Variants in FAM78B observed in about 807,000 individuals in gnomAD.
FAM78B encodes family with sequence similarity 78 member B.
In FAM78B, 10 loss-of-function variants were observed where a neutral mutation model predicts 20.0. The ratio of observed to expected loss-of-function variants is 0.50; its 90% CI spans 0.31 to 0.85. The LOEUF is 0.85. Ranked by LOEUF, FAM78B falls within the 40% of genes least tolerant of loss-of-function variation. The pLI, the probability that FAM78B is intolerant of heterozygous loss-of-function variation, is 0.05. For missense variants in FAM78B, 283 were observed against 345.0 expected, an observed-to-expected ratio of 0.82 and a Z score of 1.42; for synonymous variants, 135 against 132.8, an observed-to-expected ratio of 1.02 and a Z score of -0.12.
intron 1 of FAM78B, among the ~76,000 whole-genome samples, chr1:166,163,301 T>G (rs145573438): frequency 2.0e-5 from 3 of 152,342 alleles, no homozygotes. Context: ...GGAAGTGCCA[T>G]GGAAATGAGT....
intron 1 of FAM78B, among the ~76,000 whole-genome samples, chr1:166,090,431 A>G (rs1653022077): frequency 6.6e-6 from 1 of 152,180 alleles, no homozygotes; most frequent in Non-Finnish European, 1.5e-5. Context: ...TGAAAAAAAC[A>G]AAACAGGGGA....
At chr1:166,098,850 T>TG (rs1025066112) in intron 1 of FAM78B, among the ~76,000 whole-genome samples, 1 of 152,192 alleles carries the variant, frequency 6.6e-6, no homozygotes, top group Non-Finnish European at 1.5e-5. Context: ...TCCCTGGTTT[T>TG]GCTAGAGTTA....
intron 1 of FAM78B, among the ~76,000 whole-genome samples, chr1:166,103,975 T>C (rs1293359561): frequency 3.3e-5 from 5 of 152,122 alleles, no homozygotes; most frequent in Non-Finnish European, 7.3e-5. Context: ...GCAAACCGAA[T>C]CCAGCAACAC....
chr1:166,165,263 A>G (rs541319136), intron 1 of FAM78B, among the ~76,000 whole-genome samples: 2 of 152,342 alleles, frequency 1.3e-5, no homozygotes, highest in East Asian at 3.9e-4. Context: ...TTCCTTTAGC[A>G]TAAGAAACAC....
intron 1 of FAM78B, among the ~76,000 whole-genome samples, chr1:166,103,834 T>A (rs1354814462): frequency 6.6e-6 from 1 of 152,176 alleles, no homozygotes; most frequent in African/African-American, 2.4e-5. Flanking sequence ...AAAGAGGGTA[T>A]CCTCCTTAAC....
At chr1:166,071,063 T>C (rs893658684) in intron 1 of FAM78B, among the ~76,000 whole-genome samples, 7 of 152,308 alleles carry the variant, frequency 4.6e-5, no homozygotes, top group African/African-American at 1.4e-4. Context: ...AGTTAGATGA[T>C]GGTAATCAGC....
At chr1:166,123,444 T>C (rs1034888077) in intron 1 of FAM78B, among the ~76,000 whole-genome samples, 6 of 152,252 alleles carry the variant, frequency 3.9e-5, no homozygotes, top group Non-Finnish European at 8.8e-5. Context: ...ATGACAGCCC[T>C]TCACTGGTAT....
intron 2 of FAM78B, chr1:166,060,788 C>T: frequency 2.1e-6 from 1 of 469,138 alleles, no homozygotes; most frequent in South Asian, 2.6e-5. Flanking sequence ...GGGAGATGAC[C>T]CTGAAATTTT....
At chr1:166,056,238 G>T (rs1163889816), downstream of FAM78B, among the ~76,000 whole-genome samples, 1 of 151,908 alleles carries the variant, frequency 6.6e-6, no homozygotes, top group African/African-American at 2.4e-5. Context: ...TCAATATCTG[G>T]GTCTCCTTGC....
intron 1 of FAM78B, among the ~76,000 whole-genome samples, chr1:166,072,389 A>G (rs1243265240): frequency 1.3e-5 from 2 of 152,220 alleles, no homozygotes; most frequent in African/African-American, 4.8e-5. Context: ...GCTGCAGTGT[A>G]TCATGGTTGG....
intron 1 of FAM78B, among the ~76,000 whole-genome samples, chr1:166,143,785 T>C (rs759021773): frequency 2.0e-5 from 3 of 152,216 alleles, no homozygotes; most frequent in Admixed American, 1.3e-4. Context: ...GAACTGCATA[T>C]ACTAAAACAC....
At chr1:166,061,915 T>G (rs1651616692) in intron 2 of FAM78B, among the ~76,000 whole-genome samples, 1 of 152,250 alleles carries the variant, frequency 6.6e-6, no homozygotes, top group Non-Finnish European at 1.5e-5. Flanking sequence ...TGGACCATAC[T>G]GGAGAGATGC....
intron 2 of FAM78B, among the ~76,000 whole-genome samples, chr1:166,061,831 G>A (rs1438694860): frequency 6.6e-6 from 1 of 152,222 alleles, no homozygotes; most frequent in Non-Finnish European, 1.5e-5. Context: ...CAGGGATAGA[G>A]GGGAATGAGT....
At chr1:166,105,635 G>A (rs1437113488) in intron 1 of FAM78B, among the ~76,000 whole-genome samples, 3 of 152,202 alleles carry the variant, frequency 2.0e-5, no homozygotes, top group African/African-American at 7.2e-5. Context: ...TCAGAGAAAT[G>A]CAAATCAAAA....
chr1:166,086,722 C>T (rs1194106181), intron 1 of FAM78B, among the ~76,000 whole-genome samples: 1 of 152,180 alleles, frequency 6.6e-6, no homozygotes, highest in Admixed American at 6.5e-5. Flanking sequence ...ATGCTGGCAG[C>T]TGAGTGTGTA....
At chr1:166,131,771 T>A (rs1654886497) in intron 1 of FAM78B, among the ~76,000 whole-genome samples, 1 of 152,030 alleles carries the variant, frequency 6.6e-6, no homozygotes. Flanking sequence ...TGAAAAAAAG[T>A]AAGGTTACGT....
At chr1:166,109,043 A>C (rs758692156) in intron 1 of FAM78B, among the ~76,000 whole-genome samples, 1 of 152,186 alleles carries the variant, frequency 6.6e-6, no homozygotes, top group Admixed American at 6.5e-5. Context: ...TAAGACCCAA[A>C]ACTATAAAAA....
chr1:166,160,762 A>G (rs1390516323), intron 1 of FAM78B, among the ~76,000 whole-genome samples: 1 of 152,248 alleles, frequency 6.6e-6, no homozygotes, highest in African/African-American at 2.4e-5. Flanking sequence ...GCTATGGGCC[A>G]TGCACTGTTC....
Position 166,159,410 on chromosome 1 carries a change from C to T in FAM78B, c.263+6576G>A, listed in dbSNP as rs76727856. ...CCTAGTTCCCAAGAACCAGGGGGAT[C>T]AGATGAGAGGGTCAGATGAGGGGGT... On this transcript the variant is annotated intron_variant, in intron 1 of 1. Transcript: ENST00000354422. 2.2e-3 allele frequency among the ~76,000 whole-genome samples: 337 copies of T among 152,230 alleles called. 1 individual carries two copies. The highest frequency in any genetic ancestry group is 7.7e-3 in the African/African-American group (319 of 41,526).
Sources: gnomAD v4.1 joint callset for allele counts (sites outside exome capture counted in the v4.1 genomes callset) on GRCh38, gnomAD v4.1.1 for gene constraint, MANE v1.5 for transcripts, NCBI Gene and HGNC (gene_info 2026-07-23, HGNC 2026-07-21) for gene names.